Variants in MYCBP2 observed in about 807,000 individuals in gnomAD.
The protein encoded by MYCBP2 is E3 ubiquitin-protein ligase MYCBP2.
A neutral mutation model predicts 525.3 loss-of-function variants in MYCBP2; 120 were observed. The ratio of observed to expected loss-of-function variants is 0.23; its 90% CI spans 0.20 to 0.27. The LOEUF is 0.27. Among genes scored for constraint, MYCBP2 ranks in the 10% least tolerant of loss-of-function variants. MYCBP2 has a pLI of 1.00. For missense variants in MYCBP2, 4,149 were observed against 5,657.1 expected, an observed-to-expected ratio of 0.73 and a Z score of 8.55; for synonymous variants, 1,894 against 1,955.8, an observed-to-expected ratio of 0.97 and a Z score of 0.83.
chr13:77,049,055 C>A lies in MYCBP2; in HGVS notation c.13921+1942G>T, dbSNP rs370599018. 7.9e-5 allele frequency among the ~76,000 whole-genome samples: 12 copies of A among 152,260 alleles called. No individual in the cohort carries two copies. In the East Asian group the frequency reaches 1.5e-3, roughly 20 times the overall value. ...AACGTGTGACTGATTTTTCTCTTGG[C>A]TCCTATTTCTTTCCAGACCACAACC... On this transcript the variant is annotated intron_variant, in intron 82 of 82. Transcript: ENST00000544440.
At chr13:77,244,736 G>A (rs2069554197) in intron 15 of MYCBP2, among the ~76,000 whole-genome samples, 1 of 152,126 alleles carries the variant, frequency 6.6e-6, no homozygotes, top group Non-Finnish European at 1.5e-5. Context: ...GCAACCTACA[G>A]AATGGGAGAA....
rs1314242013 is a variant in MYCBP2, at chr13:77,313,937, GA to G, written c.302+12536del. Among the ~76,000 whole-genome samples the G allele has an allele frequency of 1.7e-3, 233 of 140,678 alleles. 1 individual carries two copies. The highest frequency in any genetic ancestry group is 5.3e-3 in the African/African-American group (202 of 38,450). 92.3% of individuals were successfully genotyped at this position (140,678 alleles called of 152,430 possible). On this transcript the variant is annotated intron_variant, in intron 1 of 82. Transcript: ENST00000544440. Reference sequence around the variant, plus strand: ...CTACATCATATGTCATCAGAGAAATGAAAAAAAAAAACGAGATTCTACTACA... The same window carrying G: ...CTACATCATATGTCATCAGAGAAATGAAAAAAAAAACGAGATTCTACTACA...
intron 68 of MYCBP2, among the ~76,000 whole-genome samples, chr13:77,070,932 C>T (rs1172008429): frequency 6.6e-6 from 1 of 152,042 alleles, no homozygotes; most frequent in African/African-American, 2.4e-5. Flanking sequence ...AGTATATTCT[C>T]CTTTCACAAA....
intron 55 of MYCBP2, among the ~76,000 whole-genome samples, chr13:77,117,393 T>C (rs2049967041): frequency 6.6e-6 from 1 of 152,094 alleles, no homozygotes; most frequent in Non-Finnish European, 1.5e-5. Context: ...TGTGTACCCT[T>C]TACCTAAGGT....
chr13:77,187,117 T>G (rs1341180840), intron 30 of MYCBP2, among the ~76,000 whole-genome samples: 1 of 152,144 alleles, frequency 6.6e-6, no homozygotes, highest in Non-Finnish European at 1.5e-5. Flanking sequence ...GCCCTATAGT[T>G]TACCTTTTAA....
At chr13:77,234,058 T>C (rs1299463613) in intron 17 of MYCBP2, among the ~76,000 whole-genome samples, 2 of 151,986 alleles carry the variant, frequency 1.3e-5, no homozygotes, top group Admixed American at 6.6e-5. Context: ...TTTCCACTTA[T>C]ATGGTATTTA....
At chr13:77,185,772 T>A in intron 31 of MYCBP2, 99 bp downstream of exon 31, 1 of 862,738 alleles carries the variant, frequency 1.2e-6, no homozygotes, top group South Asian at 2.5e-5. Context: ...GCAGCTTAAA[T>A]GCAGCTGGGG....
chr13:77,186,211 A>C, intron 30 of MYCBP2, 148 bp from the exon 31 acceptor site: 2 of 533,344 alleles, frequency 3.7e-6, no homozygotes, highest in Middle Eastern at 5.1e-4. Flanking sequence ...TACTGAGCCC[A>C]AGACACTTTT....
intron 32 of MYCBP2, 107 bp downstream of exon 32, chr13:77,184,996 T>C: frequency 9.3e-7 from 1 of 1,079,906 alleles, no homozygotes; most frequent in Non-Finnish European, 1.3e-6. Context: ...ATTTCCTAAT[T>C]TATCTTTTAT....
At chr13:77,307,543 T>A (rs1440343419) in intron 1 of MYCBP2, among the ~76,000 whole-genome samples, 1 of 148,672 alleles carries the variant, frequency 6.7e-6, no homozygotes, top group Non-Finnish European at 1.5e-5. Flanking sequence ...GGAAGATCGC[T>A]TTGGTCCAGG....
At chr13:77,278,699 A>G in intron 4 of MYCBP2, 59 bp downstream of exon 4, 1 of 1,345,896 alleles carries the variant, frequency 7.4e-7, no homozygotes, top group Non-Finnish European at 9.7e-7. Flanking sequence ...AGTGTACAAT[A>G]CTCTATTATT....
At chr13:77,051,390 A>G (rs1490556243) in intron 81 of MYCBP2, among the ~76,000 whole-genome samples, 3 of 152,210 alleles carry the variant, frequency 2.0e-5, no homozygotes, top group African/African-American at 7.2e-5. Flanking sequence ...CATTTCCATC[A>G]TAATCTATCT....
chr13:77,070,726 A>AT lies in MYCBP2; in HGVS notation c.11824-16_11824-15insA. On this transcript the variant is annotated splice_polypyrimidine_tract_variant and intron_variant, in intron 68 of 82. Transcript: ENST00000544440. ...TCTGATGTTGCCTTTACATAGAAAA[A>AT]GAAAAAAAAAAAAAAGAATGAAGTG... 4.4e-5 allele frequency: 68 copies of AT among 1,528,472 alleles called. No homozygotes were observed. Among genetic ancestry groups the AT allele is most frequent in the Non-Finnish European group, 5.4e-5 (61 of 1,127,118 alleles). 94.7% of individuals were successfully genotyped at this position (1,528,472 alleles called of 1,614,324 possible). A position where few individuals can be genotyped will look rare whatever the true frequency, so the allele number is the denominator to read the frequency against.
At chr13:77,236,976 A>G (rs1192386565) in intron 17 of MYCBP2, among the ~76,000 whole-genome samples, 1 of 152,236 alleles carries the variant, frequency 6.6e-6, no homozygotes, top group Non-Finnish European at 1.5e-5. Flanking sequence ...ACAAATTCCT[A>G]TAACATTTTT....
At chr13:77,229,642 T>A (rs1405884766) in intron 18 of MYCBP2, among the ~76,000 whole-genome samples, 3 of 152,206 alleles carry the variant, frequency 2.0e-5, no homozygotes, top group African/African-American at 7.2e-5. Context: ...ACTACACACA[T>A]ATATTTTAAT....
chr13:77,218,916 A>C (rs975284904), intron 20 of MYCBP2, among the ~76,000 whole-genome samples: 13 of 152,192 alleles, frequency 8.5e-5, no homozygotes, highest in African/African-American at 2.4e-4. Flanking sequence ...TGAAGGCCTT[A>C]ACTAGGAGCA....
At chr13:77,256,066 G>C (rs1370849582) in intron 14 of MYCBP2, among the ~76,000 whole-genome samples, 2 of 151,952 alleles carry the variant, frequency 1.3e-5, no homozygotes, top group East Asian at 3.8e-4. Context: ...AAAGGAGAAA[G>C]CCCTTTGTTC....
At chr13:77,095,273 G>T in intron 58 of MYCBP2, 85 bp downstream of exon 58, 1 of 1,503,276 alleles carries the variant, frequency 6.7e-7, no homozygotes, top group Non-Finnish European at 9.0e-7. Context: ...TAAAGTGTAG[G>T]TCAAATACCG....
At chr13:77,303,549 A>G (rs2079041732) in intron 1 of MYCBP2, among the ~76,000 whole-genome samples, 2 of 152,196 alleles carry the variant, frequency 1.3e-5, no homozygotes, top group African/African-American at 4.8e-5. Flanking sequence ...TAAACGAGAA[A>G]TTAAAAAAAA....
Sources: allele counts gnomAD v4.1 joint callset (sites outside exome capture counted in the v4.1 genomes callset), GRCh38; gene constraint gnomAD v4.1.1; transcripts MANE v1.5; gene names NCBI Gene and HGNC (gene_info 2026-07-23, HGNC 2026-07-21).